Variants in PCDH15 observed in about 807,000 individuals in gnomAD.
PCDH15 encodes the protein protocadherin related 15.
A neutral mutation model predicts 178.5 loss-of-function variants in PCDH15; 129 were observed. That is an observed-to-expected ratio of 0.72 (90% CI 0.63 to 0.84). The LOEUF (loss-of-function observed/expected upper bound fraction) is 0.84, where lower values mean the gene tolerates loss of function less well. Among genes scored for constraint, PCDH15 ranks in the 40% least tolerant of loss-of-function variants. The pLI is 0.00. For missense variants in PCDH15, 2,230 were observed against 2,099.9 expected (o/e 1.06, Z -1.21); for synonymous variants, 800 against 732.0 (o/e 1.09, Z -1.50).
intron 3 of PCDH15, among the ~76,000 whole-genome samples, chr10:54,853,281 GTATGTGTGTATATA>G (rs1430248636): frequency 2.9e-5 from 2 of 68,206 alleles, no homozygotes; most frequent in Non-Finnish European, 5.9e-5. Flanking sequence ...ATATGTGTAT[GTATGTGTGTATATA>G]TATATATATA....
At chr10:55,196,143 T>A (rs535552317) in intron 1 of PCDH15, among the ~76,000 whole-genome samples, 1 of 152,088 alleles carries the variant, frequency 6.6e-6, no homozygotes, top group Non-Finnish European at 1.5e-5. Context: ...TTAATTTTCC[T>A]CACCTCTGCT....
At chr10:54,517,847 T>C (rs1467412860) in intron 3 of PCDH15, among the ~76,000 whole-genome samples, 1 of 152,050 alleles carries the variant, frequency 6.6e-6, no homozygotes, top group Non-Finnish European at 1.5e-5. Flanking sequence ...AGAACAGAAA[T>C]TATAACAAAT....
chr10:55,100,480 T>C (rs1248712679), intron 2 of PCDH15, among the ~76,000 whole-genome samples: 3 of 152,076 alleles, frequency 2.0e-5, no homozygotes, highest in Non-Finnish European at 2.9e-5. Flanking sequence ...AGTAAAAAAG[T>C]GTATTAGTTT....
chr10:55,132,862 C>T (rs1055850046), intron 2 of PCDH15, among the ~76,000 whole-genome samples: 3 of 152,144 alleles, frequency 2.0e-5, no homozygotes, highest in Non-Finnish European at 4.4e-5. Context: ...GGAGAGTTAA[C>T]ACTGTCTGGC....
At chr10:54,792,412 A>T (rs1951505304) in intron 1 of PCDH15, among the ~76,000 whole-genome samples, 1 of 151,990 alleles carries the variant, frequency 6.6e-6, no homozygotes, top group Admixed American at 6.6e-5. Flanking sequence ...TTGTGTGTCA[A>T]CTTGACTGGG....
intron 1 of PCDH15, among the ~76,000 whole-genome samples, chr10:55,198,120 T>C (rs1564884518): frequency 1.3e-5 from 2 of 152,134 alleles, no homozygotes; most frequent in Non-Finnish European, 2.9e-5. Context: ...TGGTTGGTTA[T>C]GAAGTGTCTT....
intron 1 of PCDH15, among the ~76,000 whole-genome samples, chr10:55,238,366 G>A (rs1021946543): frequency 6.6e-6 from 1 of 151,800 alleles, no homozygotes; most frequent in East Asian, 1.9e-4. Flanking sequence ...TAGCCAGGAT[G>A]GTCTCGATCT....
chr10:53,954,202 A>G (rs567686932), intron 23 of PCDH15, among the ~76,000 whole-genome samples: 1 of 152,230 alleles, frequency 6.6e-6, no homozygotes, highest in East Asian at 1.9e-4. Context: ...CAGAAAGCCT[A>G]CTAATTATCT....
At chr10:54,792,040 G>C (rs117363333) in intron 1 of PCDH15, among the ~76,000 whole-genome samples, 9 of 151,962 alleles carry the variant, frequency 5.9e-5, no homozygotes, top group Admixed American at 1.3e-4. Flanking sequence ...ACTGGCTAGA[G>C]ACCTAAGGGC....
chr10:55,261,894 C>A (rs1410113276), intron 1 of PCDH15, among the ~76,000 whole-genome samples: 1 of 151,820 alleles, frequency 6.6e-6, no homozygotes, highest in Non-Finnish European at 1.5e-5. Flanking sequence ...GCACTAACAA[C>A]GAAGGAAAAC....
intron 2 of PCDH15, among the ~76,000 whole-genome samples, chr10:55,355,811 C>G (rs538036381): frequency 4.4e-4 from 67 of 151,882 alleles, no homozygotes; most frequent in African/African-American, 1.4e-3. Context: ...CCACTTTGAC[C>G]TACTAATCAT....
At chr10:54,783,502 C>T (rs1389870471) in intron 1 of PCDH15, among the ~76,000 whole-genome samples, 1 of 152,064 alleles carries the variant, frequency 6.6e-6, no homozygotes, top group Non-Finnish European at 1.5e-5. Context: ...ACATATGGAA[C>T]ATCATTCAGC....
rs73255797 is a variant in PCDH15, at chr10:55,396,842, G to C, written c.-155-230191C>G. ...TGATCCTTTCTGAACAGTGACACAT[G>C]GAATTTCGCCCAATGCAGTATTAGA... is the stretch of plus-strand genomic sequence containing the variant. On this transcript the variant is annotated intron_variant, in intron 2 of 5. Coordinates refer to the PCDH15 transcript ENST00000613346. 6.6e-3 allele frequency among the ~76,000 whole-genome samples: 1,012 copies of C among 152,236 alleles called. 15 individuals are homozygous for C. The highest frequency in any genetic ancestry group is 0.023 in the African/African-American group (962 of 41,538).
rs554676156 is a variant in PCDH15 at position 53,825,246 on chromosome 10, T to TAAAC, written c.4367+2143_4367+2146dup. 3.3e-5 allele frequency: 44 copies of TAAAC among 1,337,722 alleles called. No individual in the cohort carries two copies. The South Asian group carries it at 3.5e-4, about 11-fold the overall frequency. 82.9% of individuals were successfully genotyped at this position (1,337,722 alleles called of 1,614,324 possible). On this transcript the variant is annotated intron_variant, in intron 32 of 37. Transcript: ENST00000644397. ...TGAAAATATGAGCAGGAACTTGCTTTAAACAAACACTTAGTACGTATATCA... is the reference window on the plus strand; with the variant it reads ...TGAAAATATGAGCAGGAACTTGCTTTAAACAAACAAACACTTAGTACGTATATCA...
rs188413958 is a variant in PCDH15, at chr10:54,975,399, A to G, written c.-79-77899T>C. Among the ~76,000 whole-genome samples, 192 of 152,304 alleles carry G rather than the reference A, an allele frequency of 1.3e-3. 1 individual carries two copies. In the East Asian group the frequency reaches 0.031, roughly 24 times the overall value. On this transcript the variant is annotated intron_variant, in intron 2 of 5. Transcript: ENST00000458638. ...AGTCTAGAAGAGTTGCTGGCACATA[A>G]TAAGGACTTAATATTTTATTGATAT...
At chr10:53,942,613 A>G (rs1231861640) in intron 23 of PCDH15, among the ~76,000 whole-genome samples, 2 of 152,220 alleles carry the variant, frequency 1.3e-5, no homozygotes, top group African/African-American at 2.4e-5. Flanking sequence ...AAGAAACTCA[A>G]GGTGATGGCT....
intron 21 of PCDH15, 88 bp downstream of exon 21, chr10:53,995,561 C>A (rs2091791308): frequency 1.2e-6 from 2 of 1,610,518 alleles, no homozygotes; most frequent in Admixed American, 1.7e-5. Context: ...ACAGAGACTA[C>A]TTTTGCTGTC....
intron 1 of PCDH15, among the ~76,000 whole-genome samples, chr10:54,785,880 C>T (rs1250537104): frequency 6.6e-6 from 1 of 151,870 alleles, no homozygotes; most frequent in Non-Finnish European, 1.5e-5. Flanking sequence ...AGGGAAGTTC[C>T]AGGGATTGCC....
At chr10:55,148,240 T>A (rs1444673) in intron 2 of PCDH15, among the ~76,000 whole-genome samples, 1 of 151,706 alleles carries the variant, frequency 6.6e-6, no homozygotes, top group Non-Finnish European at 1.5e-5. Flanking sequence ...TGGCAAAACA[T>A]TTTCGTTTGA....
Sources: gnomAD v4.1 joint callset for allele counts (sites outside exome capture counted in the v4.1 genomes callset) on GRCh38, gnomAD v4.1.1 for gene constraint, MANE v1.5 for transcripts, NCBI Gene and HGNC (gene_info 2026-07-23, HGNC 2026-07-21) for gene names.